XKR6: variants seen among roughly 807,000 people sequenced by gnomAD.
XKR6 encodes XK-related protein 6.
In XKR6, 22 loss-of-function variants were observed where a neutral mutation model predicts 56.7. The observed-to-expected ratio is 0.39, with a 90% CI of 0.28 to 0.55. The LOEUF is 0.55. XKR6 is among the 20% of genes least tolerant of loss of function. The pLI is 0.66. For synonymous variants in XKR6, 524 were observed against 387.8 expected (o/e 1.35, Z -4.13); for missense variants, 852 against 889.0 (o/e 0.96, Z 0.53).
chr8:11,056,759 G>C (rs2129162010), intron 1 of XKR6, among the ~76,000 whole-genome samples: 1 of 152,308 alleles, frequency 6.6e-6, no homozygotes, highest in African/African-American at 2.4e-5. Context: ...CAATGGGAGA[G>C]GGAGCCTGAG....
At chr8:11,018,741 A>G (rs1326114600) in intron 1 of XKR6, among the ~76,000 whole-genome samples, 1 of 152,154 alleles carries the variant, frequency 6.6e-6, no homozygotes, top group Non-Finnish European at 1.5e-5. Context: ...AACATGGTCC[A>G]TTAAGCTCCT....
intron 1 of XKR6, among the ~76,000 whole-genome samples, chr8:10,945,794 C>G (rs971262936): frequency 6.6e-6 from 1 of 152,168 alleles, no homozygotes; most frequent in African/African-American, 2.4e-5. Context: ...CTTCTCCAGG[C>G]TCTGGCCTAG....
chr8:11,068,991 G>A (rs569019015), intron 1 of XKR6, among the ~76,000 whole-genome samples: 13 of 152,250 alleles, frequency 8.5e-5, no homozygotes, highest in African/African-American at 2.9e-4. Context: ...CTGCTCCATG[G>A]CCAGCCCAAC....
At chr8:11,082,088 C>T (rs1460061657) in intron 1 of XKR6, among the ~76,000 whole-genome samples, 1 of 152,194 alleles carries the variant, frequency 6.6e-6, no homozygotes, top group East Asian at 1.9e-4. Flanking sequence ...GACAGAGACT[C>T]ACCTCCTTCC....
chr8:10,995,679 C>A (rs868828664), intron 1 of XKR6, among the ~76,000 whole-genome samples: 9 of 139,386 alleles, frequency 6.5e-5, no homozygotes, highest in South Asian at 4.6e-4. Flanking sequence ...CAGAGTGAGA[C>A]CCTATCTCCC....
chr8:11,002,429 TAC>T, intron 1 of XKR6: 1 of 413,436 alleles, frequency 2.4e-6, no homozygotes, highest in South Asian at 1.9e-5. Context: ...CGTGCAGCAG[TAC>T]ACAGTGTTTG....
rs79902848 is a variant in XKR6 at position 11,192,556 on chromosome 8, A to AG, written c.764+8019dup. ...CTTGAGCCTAGAAGTTCAAGGCTGC[A>AG]GGGGGCTATACTCACGCCACTGCAC... On this transcript the variant is annotated intron_variant, in intron 1 of 2. Transcript: ENST00000416569. Among the ~76,000 whole-genome samples the AG allele has an allele frequency of 3.1e-3, 479 of 152,158 alleles. 10 individuals are homozygous for AG. Among genetic ancestry groups the AG allele is most frequent in the South Asian group, 0.022 (106 of 4,812 alleles).
rs768823172 is a variant in XKR6 at position 10,898,459 on chromosome 8, C to T, written c.1419G>A (p.Ala473=). 36 of 1,613,812 alleles carry T rather than the reference C, an allele frequency of 2.2e-5. No homozygotes were observed. In the Admixed American group the frequency reaches 2.7e-4, roughly 12 times the overall value. The part of the protein sequence containing the change: ...YRDPETTDSY[A]VPALCCVFIS... ...TAAAGACACAACACAGTGCTGGCAC[C>T]GCATAGGAGTCAGTGGTCTCCGGGT... Residue 473 remains alanine (A), a synonymous_variant, in exon 3 of 3, where the codon GCG becomes GCA. Transcript: ENST00000416569. This position sits in a 1 kb window ranked among gnomAD's most constrained non-coding sequence, Gnocchi z 6.6.
At chr8:10,999,863 C>A (rs985758514) in intron 1 of XKR6, among the ~76,000 whole-genome samples, 4 of 152,060 alleles carry the variant, frequency 2.6e-5, no homozygotes, top group Non-Finnish European at 4.4e-5. Flanking sequence ...AAGGCATCTC[C>A]CCACATGCCA....
At chr8:10,994,108 C>T (rs948416756) in intron 1 of XKR6, among the ~76,000 whole-genome samples, 3 of 152,214 alleles carry the variant, frequency 2.0e-5, no homozygotes. Context: ...TCCCCAACCT[C>T]TAACTGATAG....
chr8:10,950,337 C>T (rs1801680351), intron 1 of XKR6, among the ~76,000 whole-genome samples: 1 of 152,220 alleles, frequency 6.6e-6, no homozygotes, highest in African/African-American at 2.4e-5. Context: ...CCTCATCTTC[C>T]CAGGGAGCAC....
In XKR6 at chr8:10,933,848, T is replaced by C. The variant is rs1480224241; in HGVS notation, c.765-9018A>G. Among the ~76,000 whole-genome samples the C allele has an allele frequency of 3.5e-5, 4 of 115,170 alleles. No individual in the cohort carries two copies. In the East Asian group the frequency reaches 8.0e-4, roughly 23 times the overall value. 75.6% of individuals were successfully genotyped at this position (115,170 alleles called of 152,430 possible). A position where few individuals can be genotyped will look rare whatever the true frequency, so the allele number is the denominator to read the frequency against. On this transcript the variant is annotated intron_variant, in intron 1 of 2. Transcript: ENST00000416569. ...AGGTAGTGTGATGCCTCCAGCTTTG[T>C]TCTTTTGGCTTAGGATTGACTTGGC...
chr8:11,068,655 T>C (rs1466848262), intron 1 of XKR6, among the ~76,000 whole-genome samples: 3 of 152,128 alleles, frequency 2.0e-5, no homozygotes, highest in Non-Finnish European at 4.4e-5. Context: ...CGTGGGTTTC[T>C]CCTCTGCACA....
intron 1 of XKR6, chr8:11,109,845 G>A (rs1288257196): frequency 6.6e-6 from 1 of 152,142 alleles, no homozygotes; most frequent in African/African-American, 2.4e-5. Context: ...CACCTCTACT[G>A]ACGAAAGCAT....
chr8:11,016,580 G>A (rs1012662267), intron 1 of XKR6, among the ~76,000 whole-genome samples: 1 of 152,214 alleles, frequency 6.6e-6, no homozygotes, highest in Non-Finnish European at 1.5e-5. Flanking sequence ...CGCCCCGACA[G>A]CGCCGCCCTC....
intron 1 of XKR6, among the ~76,000 whole-genome samples, chr8:10,931,978 G>T (rs148630720): frequency 1.1e-3 from 165 of 152,114 alleles, no homozygotes; most frequent in Non-Finnish European, 2.1e-3. Context: ...AATAAACAAA[G>T]AACTCTTAAA....
chr8:11,172,642 G>A (rs920548078), intron 1 of XKR6, among the ~76,000 whole-genome samples: 4 of 152,260 alleles, frequency 2.6e-5, no homozygotes, highest in South Asian at 2.1e-4. Context: ...TACTGTTGCC[G>A]GGAATTGGTA....
chr8:11,149,072 T>G (rs968780810), intron 1 of XKR6, among the ~76,000 whole-genome samples: 1 of 152,204 alleles, frequency 6.6e-6, no homozygotes, highest in Non-Finnish European at 1.5e-5. Flanking sequence ...AGGACCTGAA[T>G]GTTTGTGTGC....
chr8:11,018,096 G>A (rs1798667340), intron 1 of XKR6, among the ~76,000 whole-genome samples: 2 of 152,160 alleles, frequency 1.3e-5, no homozygotes, highest in South Asian at 4.1e-4. Flanking sequence ...TCCTTCAGGA[G>A]CAGCTCTGGA....
Sources: gnomAD v4.1 joint callset for allele counts (sites outside exome capture counted in the v4.1 genomes callset) on GRCh38, gnomAD v4.1.1 for gene constraint, Gnocchi (gnomAD v3.1) non-coding constraint, MANE v1.5 for transcripts, NCBI Gene and HGNC (gene_info 2026-07-23, HGNC 2026-07-21) for gene names.